NEB: variants seen among roughly 807,000 people sequenced by gnomAD.
NEB encodes the protein nemaline myopathy type 2.
NEB carries 512 observed loss-of-function variants against 952.2 expected under a neutral mutation model. That is an observed-to-expected ratio of 0.54 (90% CI 0.50 to 0.58). The LOEUF (loss-of-function observed/expected upper bound fraction) is 0.58, where lower values mean the gene tolerates loss of function less well. Ranked by LOEUF, NEB falls within the 20% of genes least tolerant of loss-of-function variation. NEB has a pLI of 0.00. For synonymous variants in NEB, 2,900 were observed against 3,149.8 expected, an observed-to-expected ratio of 0.92 and a Z score of 2.66; for missense variants, 8,428 against 9,231.1, an observed-to-expected ratio of 0.91 and a Z score of 3.56.
chr2:151,696,914 T>G (rs2099600883), intron 16 of NEB, among the ~76,000 whole-genome samples, 179 bp from the exon 17 acceptor site: 1 of 152,234 alleles, frequency 6.6e-6, no homozygotes, highest in African/African-American at 2.4e-5. Flanking sequence ...TATGAGAAAC[T>G]TTCCTATATC....
intron 16 of NEB, 124 bp from the exon 17 acceptor site, chr2:151,696,859 T>TA (rs1205918467): frequency 2.8e-6 from 2 of 709,928 alleles, no homozygotes; most frequent in Non-Finnish European, 4.7e-6. Context: ...ATAAAATATA[T>TA]TTTTTTCTAA....
At chr2:151,639,515 C>T (rs2098821124) in intron 62 of NEB, 131 bp from the exon 63 acceptor site, 2 of 642,006 alleles carry the variant, frequency 3.1e-6, no homozygotes, top group Non-Finnish European at 5.0e-6. Flanking sequence ...GTGTTTTATG[C>T]ACATCTTCGG....
Position 151,725,505 on chromosome 2 carries a change from G to C in NEB, c.350C>G (p.Thr117Arg). Residue 117 changes from threonine (T) to arginine (R), a missense_variant, in exon 6 of 182, where the codon ACA becomes AGA. Coordinates refer to ENST00000397345, the MANE Select transcript of NEB (RefSeq NM_001164508.2). Reference protein sequence around the residue: ...KTKGQPYASTTDTPELRRIKK... With the variant: ...KTKGQPYASTRDTPELRRIKK... The stretch of plus-strand genomic sequence containing the variant: ...GATTCTGCGAAGTTCTGGAGTATCT[G>C]TTGTGCTGGCGTATGGCTGTCCTTT... 1 of 1,613,660 alleles carries C rather than the reference G, an allele frequency of 6.2e-7. No homozygotes were observed. Among genetic ancestry groups the C allele is most frequent in the African/African-American group, 1.3e-5 (1 of 74,994 alleles).
At position 151,572,608 on chromosome 2, in the gene NEB, C is replaced by A. The variant is rs534627855; in HGVS notation, c.17014-2007G>T. On this transcript the variant is annotated intron_variant, in intron 107 of 181. Coordinates refer to ENST00000397345, the MANE Select transcript of NEB (RefSeq NM_001164508.2). Reference sequence around the variant, plus strand: ...TCACCCAAGCTGGAGTGAAGTGGCACGATCTCAGCTCACTGCAACCTCTGC... The same window carrying A: ...TCACCCAAGCTGGAGTGAAGTGGCAAGATCTCAGCTCACTGCAACCTCTGC... Among the ~76,000 whole-genome samples the A allele has an allele frequency of 2.9e-4, 43 of 146,564 alleles. No homozygotes were observed. In the East Asian group the frequency reaches 6.6e-3, roughly 23 times the overall value.
At chr2:151,492,701 C>A in intron 176 of NEB, 1 of 371,504 alleles carries the variant, frequency 2.7e-6, no homozygotes, top group Non-Finnish European at 4.8e-6. Context: ...GTTTTGACTT[C>A]GAAAATGAAA....
intron 13 of NEB, among the ~76,000 whole-genome samples, chr2:151,706,023 C>T: frequency 6.6e-6 from 1 of 152,138 alleles, no homozygotes; most frequent in South Asian, 2.1e-4. Context: ...CACTAAAGAA[C>T]TTTTCCATGT....
intron 107 of NEB, among the ~76,000 whole-genome samples, chr2:151,573,918 A>G (rs1423819310): frequency 6.6e-6 from 1 of 152,122 alleles, no homozygotes; most frequent in Non-Finnish European, 1.5e-5. Flanking sequence ...TCTGCAAATA[A>G]TGATAATTTG....
chr2:151,501,870 T>TAAAG (rs2064894657), intron 167 of NEB, among the ~76,000 whole-genome samples: 1 of 152,030 alleles, frequency 6.6e-6, no homozygotes, highest in Non-Finnish European at 1.5e-5. Context: ...GGGAACAAAA[T>TAAAG]AAAGAATAAA....
intron 4 of NEB, among the ~76,000 whole-genome samples, chr2:151,729,015 A>C (rs1331973207): frequency 1.3e-5 from 2 of 152,186 alleles, no homozygotes; most frequent in Admixed American, 6.5e-5. Context: ...TGTCATGCTC[A>C]AAGAGAAACA....
At chr2:151,531,135 A>G (rs2153490443) in intron 144 of NEB, 34 bp from the exon 145 acceptor site, 1 of 1,299,304 alleles carries the variant, frequency 7.7e-7, no homozygotes, top group East Asian at 2.3e-5. Context: ...ACATCATGTC[A>G]TGCTTCTCAA....
At chr2:151,525,049 T>C in intron 151 of NEB, 114 bp downstream of exon 151, 1 of 826,972 alleles carries the variant, frequency 1.2e-6, no homozygotes, top group Non-Finnish European at 2.0e-6. Context: ...CCACTAACTT[T>C]TTGAAACTAC....
intron 60 of NEB, among the ~76,000 whole-genome samples, chr2:151,641,757 T>C (rs1040558587): frequency 2.6e-5 from 4 of 152,008 alleles, no homozygotes; most frequent in African/African-American, 9.7e-5. Context: ...AAATCTAGAG[T>C]TTTTTTTATT....
At position 151,709,749 on chromosome 2, in the gene NEB, T is replaced by C. The variant is rs2150019701; in HGVS notation, c.942A>G (p.Glu314=). 6.3e-7 allele frequency: 1 copy of C among 1,595,708 alleles called. No homozygotes were observed. Among genetic ancestry groups the C allele is most frequent in the Middle Eastern group, 1.7e-4 (1 of 6,044 alleles). The change falls in exon 12 of 182, where the codon GAA becomes GAG. Residue 314 remains glutamate (E), a synonymous_variant. Transcript: ENST00000397345. ...ADNISTRKYQ[E]DFENMKDQIY... is the part of the protein sequence containing the mutation. ...TCTGGTCTTTCATGTTTTCAAAATC[T>C]TCCTGGTATTTCCTCTGTAAGACAT...
intron 105 of NEB, among the ~76,000 whole-genome samples, chr2:151,577,867 C>G (rs2096935012): frequency 1.3e-5 from 2 of 152,194 alleles, no homozygotes; most frequent in African/African-American, 2.4e-5. Flanking sequence ...GTGTGAGCCA[C>G]AGCGCCCAGC....
intron 3 of NEB, 86 bp from the exon 4 acceptor site, chr2:151,729,742 G>T: frequency 7.4e-7 from 1 of 1,346,434 alleles, no homozygotes; most frequent in South Asian, 1.2e-5. Context: ...TTAGGTGACT[G>T]CACTAGCTCG....
intron 85 of NEB, among the ~76,000 whole-genome samples, chr2:151,604,150 C>T (rs1200044542): frequency 4.2e-5 from 5 of 119,574 alleles, no homozygotes; most frequent in Non-Finnish European, 5.1e-5. Context: ...TAGATGTATG[C>T]GTAATGAGAA....
intron 5 of NEB, among the ~76,000 whole-genome samples, chr2:151,727,452 G>A (rs1412876800): frequency 6.6e-6 from 1 of 152,044 alleles, no homozygotes; most frequent in Non-Finnish European, 1.5e-5. Context: ...CTTTATGATT[G>A]GCCTTATGCT....
rs1212886406 is a variant in NEB at position 151,618,457 on chromosome 2, C to G, written c.10894G>C (p.Glu3632Gln). 6.2e-7 allele frequency: 1 copy of G among 1,613,700 alleles called. No individual in the cohort carries two copies. The highest frequency in any genetic ancestry group is 8.5e-7 in the Non-Finnish European group (1 of 1,179,804). The stretch of plus-strand genomic sequence containing the variant: ...ACCCAGCCAATGCCTTTCATCCATT[C>G]AAGGTCTGACTTATACAAATTCTGC... ...QSDNLYKSDL[E>Q]WMKGIGWVPI... Residue 3632 changes from glutamate (E) to glutamine (Q), a missense_variant, in exon 74 of 182, where the codon GAA (glutamate) becomes CAA (glutamine). Physicochemically the swap from Glu to Gln is conservative, Grantham distance 29. Coordinates refer to ENST00000397345, the MANE Select transcript of NEB (RefSeq NM_001164508.2).
chr2:151,622,124 C>T (rs1356649048), intron 71 of NEB, among the ~76,000 whole-genome samples: 1 of 152,112 alleles, frequency 6.6e-6, no homozygotes, highest in Non-Finnish European at 1.5e-5. Context: ...CCTCAGCCAC[C>T]CGAGTAGCTG....
Sources: allele counts gnomAD v4.1 joint callset (sites outside exome capture counted in the v4.1 genomes callset), GRCh38; gene constraint gnomAD v4.1.1; transcripts MANE v1.5; gene names NCBI Gene and HGNC (gene_info 2026-07-23, HGNC 2026-07-21).